TMEM131: variants seen among roughly 807,000 people sequenced by gnomAD.
TMEM131 encodes transmembrane protein 131.
A neutral mutation model predicts 211.6 loss-of-function variants in TMEM131; 66 were observed. The observed-to-expected ratio is 0.31, with a 90% CI of 0.26 to 0.38. The LOEUF (loss-of-function observed/expected upper bound fraction) is 0.38, where lower values mean the gene tolerates loss of function less well. Ranked by LOEUF, TMEM131 falls within the 10% of genes least tolerant of loss-of-function variation. The pLI is 1.00. For synonymous variants in TMEM131, 844 were observed against 841.3 expected (o/e 1.00, Z -0.06); for missense variants, 2,036 against 2,299.3 (o/e 0.89, Z 2.34).
intron 1 of TMEM131, among the ~76,000 whole-genome samples, chr2:97,929,770 A>C (rs1209812599): frequency 6.6e-6 from 1 of 151,820 alleles, no homozygotes; most frequent in Non-Finnish European, 1.5e-5. Flanking sequence ...GAAAGCATGA[A>C]TGATGTCCCA....
At chr2:97,982,131 C>T (rs1357977145) in intron 1 of TMEM131, among the ~76,000 whole-genome samples, 4 of 152,216 alleles carry the variant, frequency 2.6e-5, no homozygotes, top group African/African-American at 9.6e-5. Flanking sequence ...GCTGCACCAT[C>T]TTATGTTACC....
At chr2:97,757,429 G>C in intron 40 of TMEM131, 46 bp from the exon 41 acceptor site, 1 of 1,533,392 alleles carries the variant, frequency 6.5e-7, no homozygotes, top group Non-Finnish European at 8.8e-7. Context: ...GGCAGGCAGA[G>C]GGTCAAGTGG....
At chr2:97,893,090 G>A (rs1375085078) in intron 3 of TMEM131, among the ~76,000 whole-genome samples, 3 of 151,974 alleles carry the variant, frequency 2.0e-5, no homozygotes, top group Admixed American at 6.6e-5. Context: ...CCCTCCCTGC[G>A]TCCATGTGTT....
chr2:97,771,563 G>A (rs553380229), intron 33 of TMEM131, among the ~76,000 whole-genome samples: 3 of 152,296 alleles, frequency 2.0e-5, no homozygotes, highest in Middle Eastern at 3.4e-3. Context: ...ACCCACAAGC[G>A]GGTAGACAGC....
intron 19 of TMEM131, among the ~76,000 whole-genome samples, chr2:97,808,760 C>A (rs1681422751): frequency 6.6e-6 from 1 of 152,178 alleles, no homozygotes; most frequent in Non-Finnish European, 1.5e-5. Flanking sequence ...ACGAGGCTTG[C>A]AGCAAGAGGG....
At chr2:97,820,266 G>A (rs2105002946) in intron 11 of TMEM131, among the ~76,000 whole-genome samples, 1 of 152,274 alleles carries the variant, frequency 6.6e-6, no homozygotes, top group East Asian at 1.9e-4. Flanking sequence ...TTATCAATAA[G>A]TTTGCTGTTA....
intron 1 of TMEM131, among the ~76,000 whole-genome samples, chr2:97,995,150 G>A (rs1166220080): frequency 6.6e-6 from 1 of 152,198 alleles, no homozygotes; most frequent in South Asian, 2.1e-4. Context: ...GAAAACAGAA[G>A]TGTCCTAAAA....
At chr2:97,985,856 A>T (rs1680003271) in intron 1 of TMEM131, among the ~76,000 whole-genome samples, 1 of 152,092 alleles carries the variant, frequency 6.6e-6, no homozygotes, top group African/African-American at 2.4e-5. Context: ...AGAAATAGAG[A>T]TTTGCATTTA....
At chr2:97,838,171 C>T (rs1683018414) in intron 7 of TMEM131, among the ~76,000 whole-genome samples, 1 of 152,084 alleles carries the variant, frequency 6.6e-6, no homozygotes, top group South Asian at 2.1e-4. Flanking sequence ...ATACTGAGTA[C>T]AAGTCTTGGT....
chr2:97,979,370 T>C (rs1240109784), intron 1 of TMEM131, among the ~76,000 whole-genome samples: 1 of 152,222 alleles, frequency 6.6e-6, no homozygotes, highest in Non-Finnish European at 1.5e-5. Context: ...TTCTCCTCTC[T>C]AGCTATGAGA....
chr2:97,794,835 T>C, intron 29 of TMEM131, 95 bp downstream of exon 29: 2 of 1,054,742 alleles, frequency 1.9e-6, no homozygotes, highest in Non-Finnish European at 2.7e-6. Flanking sequence ...TGCTGGCATA[T>C]CCTAGCACTC....
intron 2 of TMEM131, among the ~76,000 whole-genome samples, chr2:97,920,288 C>T (rs1676685864): frequency 6.6e-6 from 1 of 151,794 alleles, no homozygotes; most frequent in South Asian, 2.1e-4. Context: ...GTGATAAAGG[C>T]TATCTTGGGT....
At chr2:97,881,349 G>C (rs1336930543) in intron 4 of TMEM131, among the ~76,000 whole-genome samples, 1 of 151,572 alleles carries the variant, frequency 6.6e-6, no homozygotes, top group Admixed American at 6.6e-5. Context: ...TGGGACTACA[G>C]GTGCACACCA....
At chr2:97,832,391 G>A (rs1682743832) in intron 11 of TMEM131, among the ~76,000 whole-genome samples, 1 of 152,220 alleles carries the variant, frequency 6.6e-6, no homozygotes, top group Non-Finnish European at 1.5e-5. Context: ...CCATCTAGGA[G>A]AAATGCTAGG....
intron 4 of TMEM131, among the ~76,000 whole-genome samples, chr2:97,879,738 C>G (rs1460228059): frequency 6.6e-6 from 1 of 152,136 alleles, no homozygotes; most frequent in Non-Finnish European, 1.5e-5. Context: ...GTCTTCTTAA[C>G]ATTTTTTTTT....
intron 1 of TMEM131, among the ~76,000 whole-genome samples, chr2:97,968,477 T>C (rs1214487965): frequency 6.6e-6 from 1 of 152,192 alleles, no homozygotes; most frequent in African/African-American, 2.4e-5. Flanking sequence ...GCACTTGCTG[T>C]GTACCACACA....
chr2:97,810,507 A>C (rs1681501497), intron 18 of TMEM131, among the ~76,000 whole-genome samples: 1 of 152,198 alleles, frequency 6.6e-6, no homozygotes, highest in Non-Finnish European at 1.5e-5. Flanking sequence ...CTATGAGGGC[A>C]AAGGTGGTAA....
At chr2:97,949,868 G>A (rs1678221227) in intron 1 of TMEM131, among the ~76,000 whole-genome samples, 1 of 148,364 alleles carries the variant, frequency 6.7e-6, no homozygotes, top group Non-Finnish European at 1.5e-5. Flanking sequence ...ACCCCACACA[G>A]GGCTTGCTTC....
intron 4 of TMEM131, among the ~76,000 whole-genome samples, chr2:97,884,287 A>G (rs1194820208): frequency 6.6e-6 from 1 of 152,194 alleles, no homozygotes; most frequent in South Asian, 2.1e-4. Context: ...CAGATAAGAT[A>G]GTTGATAAAA....
Sources: allele counts gnomAD v4.1 joint callset (sites outside exome capture counted in the v4.1 genomes callset), GRCh38; gene constraint gnomAD v4.1.1; transcripts MANE v1.5; gene names NCBI Gene and HGNC (gene_info 2026-07-23, HGNC 2026-07-21).